Variants in HAPSTR1 observed in about 807,000 individuals in gnomAD.
The protein encoded by HAPSTR1 is HUWE1 associated protein modifying stress responses.
At chr16:9,117,101 C>G in the HAPSTR1 span, 1 of 771,966 alleles carries the variant, frequency 1.3e-6, no homozygotes, top group Non-Finnish European at 2.0e-6. Context: ...TTATGGCTTT[C>G]TTAAAACTAT....
chr16:9,096,517 G>T, the HAPSTR1 span, among the ~76,000 whole-genome samples: 1 of 152,144 alleles, frequency 6.6e-6, no homozygotes, highest in African/African-American at 2.4e-5. Flanking sequence ...TCTCACTTCA[G>T]TGTGGCCATT....
At chr16:9,095,176 T>G in the HAPSTR1 span, among the ~76,000 whole-genome samples, 2 of 152,222 alleles carry the variant, frequency 1.3e-5, no homozygotes, top group Admixed American at 6.5e-5. Context: ...CTAATAGAAA[T>G]GGTAAGTTGT....
chr16:9,115,512 T>C, the HAPSTR1 span, among the ~76,000 whole-genome samples: 1 of 152,178 alleles, frequency 6.6e-6, no homozygotes, highest in Non-Finnish European at 1.5e-5. Flanking sequence ...CTTTCACAGG[T>C]TTATCCTGAA....
chr16:9,103,513 G>A, the HAPSTR1 span: 452 of 442,698 alleles, frequency 1.0e-3, 1 homozygote, highest in African/African-American at 8.0e-3. Flanking sequence ...TTTCTGCAGT[G>A]TTGATTAGAA....
At chr16:9,092,171 C>CAGG in the HAPSTR1 span, 7 of 1,574,252 alleles carry the variant, frequency 4.4e-6, no homozygotes, top group Non-Finnish European at 6.0e-6. Flanking sequence ...CCCCGAGCTG[C>CAGG]AGGAGGAGGC....
At chr16:9,104,567 C>G in the HAPSTR1 span, 1 of 152,112 alleles carries the variant, frequency 6.6e-6, no homozygotes, top group Non-Finnish European at 1.5e-5. Flanking sequence ...TCTGGCAAAC[C>G]GTAGTTCTTT....
the HAPSTR1 span, chr16:9,092,884 T>C: frequency 2.0e-6 from 3 of 1,524,220 alleles, no homozygotes; most frequent in Admixed American, 4.0e-5. Flanking sequence ...GTTTCTTTTT[T>C]CTTTTTGGTT....
the HAPSTR1 span, among the ~76,000 whole-genome samples, chr16:9,101,084 C>T: frequency 2.6e-5 from 4 of 152,150 alleles, no homozygotes; most frequent in Non-Finnish European, 5.9e-5. Context: ...TTACATTTAT[C>T]CTTTATGTGG....
chr16:9,091,751 A>G, the HAPSTR1 span: 1 of 396,728 alleles, frequency 2.5e-6, no homozygotes. Flanking sequence ...GGGGGGCGTT[A>G]GACAGGCTGC....
the HAPSTR1 span, chr16:9,092,360 G>A: frequency 1.7e-6 from 2 of 1,152,242 alleles, no homozygotes; most frequent in Non-Finnish European, 2.2e-6. Context: ...GCTTCGGGGG[G>A]CCGCGACGGC....
chr16:9,118,768 T>C, the HAPSTR1 span: 9 of 152,632 alleles, frequency 5.9e-5, no homozygotes, highest in Non-Finnish European at 1.2e-4. Flanking sequence ...GGAATTGGGG[T>C]TTGGTGGTGC....
At chr16:9,103,141 A>G in the HAPSTR1 span, 1 of 1,614,198 alleles carries the variant, frequency 6.2e-7, no homozygotes, top group African/African-American at 1.3e-5. Context: ...CTCCACCACG[A>G]AACTCTAGAG....
chr16:9,094,013 T>G, the HAPSTR1 span, among the ~76,000 whole-genome samples: 1 of 152,180 alleles, frequency 6.6e-6, no homozygotes, highest in Non-Finnish European at 1.5e-5. Context: ...TTAGGCCATA[T>G]ATAGGTTGAA....
At chr16:9,119,261 T>G in the HAPSTR1 span, 1 of 152,254 alleles carries the variant, frequency 6.6e-6, no homozygotes, top group African/African-American at 2.4e-5. Flanking sequence ...CAGCTAGGTT[T>G]TTCAAGGGTT....
chr16:9,115,537 A>G, the HAPSTR1 span, among the ~76,000 whole-genome samples: 2 of 152,176 alleles, frequency 1.3e-5, no homozygotes, highest in Non-Finnish European at 2.9e-5. Flanking sequence ...TAGGAGTGGA[A>G]TGTAAGTTTG....
At chr16:9,093,023 T>A in the HAPSTR1 span, 575 of 1,600,236 alleles carry the variant, frequency 3.6e-4, 8 homozygotes, top group South Asian at 3.3e-3. Context: ...CTTGCTGCAT[T>A]GCCGATTCAG....
At chr16:9,107,265 G>A in the HAPSTR1 span, 1 of 152,174 alleles carries the variant, frequency 6.6e-6, no homozygotes, top group Non-Finnish European at 1.5e-5. Flanking sequence ...TGGCAGATTC[G>A]GTGCTGTCTC....
the HAPSTR1 span, among the ~76,000 whole-genome samples, chr16:9,113,814 T>TA: frequency 1.4e-4 from 21 of 152,074 alleles, no homozygotes; most frequent in South Asian, 8.3e-4. Flanking sequence ...GGTAGAACTT[T>TA]AAAAAAAAGC....
chr16:9,113,018 GTTTT>G, the HAPSTR1 span: 1 of 125,844 alleles, frequency 7.9e-6, no homozygotes. Flanking sequence ...TTTTTTTTTT[GTTTT>G]TTTTGTTTTT....
Sources: allele counts gnomAD v4.1 joint callset (sites outside exome capture counted in the v4.1 genomes callset), GRCh38; gene constraint gnomAD v4.1.1; transcripts MANE v1.5; gene names NCBI Gene and HGNC (gene_info 2026-07-23, HGNC 2026-07-21).